PI16: variants seen among roughly 807,000 people sequenced by gnomAD.
The protein encoded by PI16 is PSP94-binding protein.
A neutral mutation model predicts 38.0 loss-of-function variants in PI16; 35 were observed. That is an observed-to-expected ratio of 0.92 (90% CI 0.70 to 1.22). The LOEUF is 1.22. PI16 is among the 50% of genes most tolerant of loss of function. PI16 has a pLI of 0.00. For synonymous variants in PI16, 275 were observed against 252.9 expected (o/e 1.09, Z -0.83); for missense variants, 572 against 593.8 (o/e 0.96, Z 0.38).
At chr6:36,951,171 T>G (rs557635223), upstream of PI16, among the ~76,000 whole-genome samples, 8 of 152,354 alleles carry the variant, frequency 5.3e-5, no homozygotes, top group South Asian at 1.2e-3. Flanking sequence ...GAGAAATGTC[T>G]TTTCGACAAT....
In PI16 at chr6:36,963,191, C is replaced by T. The variant is rs146645609; in HGVS notation, c.849C>T (p.Cys283=). The change falls in exon 5 of 7, where the codon TGC becomes TGT. Residue 283 remains cysteine (C), a synonymous_variant. Transcript: ENST00000373674. ...CCATGGCAACAGAGGCTCCACCTTG[C>T]GTAACAACTGAGGTCCCTTCCATTT... is the stretch of plus-strand genomic sequence containing the variant. ...PPSMATEAPP[C]VTTEVPSILA... 21 of 1,614,118 alleles carry T rather than the reference C, an allele frequency of 1.3e-5. No homozygotes were observed. The Middle Eastern group carries it at 4.9e-4, about 38-fold the overall frequency.
upstream of PI16, among the ~76,000 whole-genome samples, chr6:36,951,729 T>A (rs1324273638): frequency 6.6e-6 from 1 of 151,998 alleles, no homozygotes; most frequent in African/African-American, 2.4e-5. Flanking sequence ...CGAAATCTTG[T>A]CTCTACTAAA....
intron 6 of PI16, among the ~76,000 whole-genome samples, 181 bp downstream of exon 6, chr6:36,964,143 C>T (rs1763449576): frequency 6.6e-6 from 1 of 152,190 alleles, no homozygotes; most frequent in Admixed American, 6.5e-5. Flanking sequence ...ACAGGGCCAG[C>T]CCCTGGCACT....
chr6:36,963,602 G>A lies in PI16; in HGVS notation c.1260G>A (p.Ser420=), dbSNP rs745460207. Reference sequence around the variant, plus strand: ...GTGGGCGTGCCCTGGCTCTGCAGTCGTCCTTGCCAGGTAAGGCCCATAGCA... The same window carrying A: ...GTGGGCGTGCCCTGGCTCTGCAGTCATCCTTGCCAGGTAAGGCCCATAGCA... The part of the protein sequence containing the change: ...ATGGRALALQ[S]SLPGAEGPDK... The change falls in exon 5 of 7, where the codon TCG becomes TCA. Residue 420 remains serine (S), a synonymous_variant. Transcript: ENST00000373674. 16 of 1,613,414 alleles carry A rather than the reference G, an allele frequency of 9.9e-6. No homozygotes were observed. Among genetic ancestry groups the A allele is most frequent in the East Asian group, 2.2e-5 (1 of 44,894 alleles).
At position 36,959,183 on chromosome 6, in the gene PI16, C is replaced by G; in HGVS notation, c.210C>G (p.Tyr70Ter). Reference protein sequence around the residue: ...DEELAAFAKAYARQCVWGHNK... With the variant: ...DEELAAFAKA ...AGCTGGCCGCCTTCGCCAAGGCCTACGCACGGCAGTGCGTGTGGGGCCACA... is the reference window on the plus strand; with the variant it reads ...AGCTGGCCGCCTTCGCCAAGGCCTAGGCACGGCAGTGCGTGTGGGGCCACA... The change falls in exon 2 of 7, where the codon TAC (tyrosine) becomes TAG (stop). Residue 70 changes from tyrosine to a stop codon, truncating the protein, a stop_gained. Coordinates refer to ENST00000373674, the MANE Select transcript of PI16 (RefSeq NM_153370.3). LOFTEE classifies it high-confidence loss of function. 1.2e-6 allele frequency: 2 copies of G among 1,611,042 alleles called. No individual in the cohort carries two copies. The highest frequency in any genetic ancestry group is 1.7e-6 in the Non-Finnish European group (2 of 1,179,270).
At chr6:36,960,642 A>ACCC (rs5875563) in intron 2 of PI16, among the ~76,000 whole-genome samples, 2 of 40,982 alleles carry the variant, frequency 4.9e-5, no homozygotes, top group African/African-American at 8.2e-5. Context: ...CTCTCCCTCC[A>ACCC]CCCCCCCCCT....
At chr6:36,955,037 T>G in intron 1 of PI16, 106 bp downstream of exon 1, 1 of 1,435,472 alleles carries the variant, frequency 7.0e-7, no homozygotes, top group South Asian at 1.5e-5. Flanking sequence ...ATTTCAGAAT[T>G]CCTCTCCTTT....
In PI16 at chr6:36,949,646, T is replaced by G. The variant is rs369645455; in HGVS notation, c.-82+1242T>G. Among the ~76,000 whole-genome samples the G allele has an allele frequency of 3.3e-5, 5 of 152,332 alleles. 1 individual carries two copies. Among genetic ancestry groups the G allele is most frequent in the East Asian group, 1.9e-4 (1 of 5,184 alleles). ...CCCAGACTAACCCATTTTCCTGAATTCTTCCGATTCTTTTCCACATCTTGT... is the reference window on the plus strand; with the variant it reads ...CCCAGACTAACCCATTTTCCTGAATGCTTCCGATTCTTTTCCACATCTTGT... On this transcript the variant is annotated intron_variant, in intron 1 of 7. Transcript: ENST00000611814.
At chr6:36,963,718 G>A in intron 5 of PI16, 105 bp from the exon 6 acceptor site, 3 of 1,533,794 alleles carry the variant, frequency 2.0e-6, no homozygotes, top group Non-Finnish European at 2.6e-6. Flanking sequence ...CCTCTGAGTA[G>A]GAGCTTCCTC....
rs746486849 is a variant in PI16, at chr6:36,962,905, A to G, written c.593-30A>G. 17 of 1,572,412 alleles carry G rather than the reference A, an allele frequency of 1.1e-5. No individual in the cohort carries two copies. Among genetic ancestry groups the G allele is most frequent in the Non-Finnish European group, 1.4e-5 (16 of 1,155,788 alleles). On this transcript the variant is annotated intron_variant, in intron 4 of 6. Coordinates refer to ENST00000373674, the MANE Select transcript of PI16 (RefSeq NM_153370.3). This position sits in a 1 kb window ranked among gnomAD's most constrained non-coding sequence, Gnocchi z 4.1. ...AGAGATGTGGGGTCCTGCTTGCAGC[A>G]CTCATGCCCGTTCTCGTCTGTCTTA...
chr6:36,961,768 A>C, intron 3 of PI16, 118 bp from the exon 4 acceptor site: 1 of 990,410 alleles, frequency 1.0e-6, no homozygotes, highest in Non-Finnish European at 1.6e-6. Context: ...CCAGCAAGTC[A>C]GTGGCTGGCA....
upstream of PI16, among the ~76,000 whole-genome samples, chr6:36,951,687 T>C (rs1482205858): frequency 6.6e-6 from 1 of 152,124 alleles, no homozygotes; most frequent in East Asian, 1.9e-4. Flanking sequence ...TTACTTGAGG[T>C]CAGGAGTTTG....
Position 36,963,132 on chromosome 6 carries a change from G to GC in PI16, c.794dup (p.Thr266AsnfsTer22). ...GGCTCTGCCTGCTGTGGAAACCCAG[G>GC]CCCCAACTTCCTTAGCAACGAAAGA... On this transcript the variant is annotated frameshift_variant, in exon 5 of 7. Coordinates refer to ENST00000373674, the MANE Select transcript of PI16 (RefSeq NM_153370.3). LOFTEE classifies it high-confidence loss of function. The GC allele has an allele frequency of 6.2e-7, 1 of 1,614,184 alleles. No homozygotes were observed. The highest frequency in any genetic ancestry group is 1.1e-5 in the South Asian group (1 of 91,080).
intron 5 of PI16, 78 bp from the exon 6 acceptor site, chr6:36,963,745 C>T: frequency 6.5e-7 from 1 of 1,532,818 alleles, no homozygotes; most frequent in Non-Finnish European, 8.8e-7. Context: ...TGCTGCCCCA[C>T]CTCCTTGCAT....
intron 1 of PI16, among the ~76,000 whole-genome samples, chr6:36,948,943 T>C (rs1164924900): frequency 6.7e-6 from 1 of 149,668 alleles, no homozygotes; most frequent in Non-Finnish European, 1.5e-5. Context: ...TACAGGCGTG[T>C]GCCACTACGC....
intron 2 of PI16, among the ~76,000 whole-genome samples, chr6:36,960,359 G>GTGTGTGTGTT (rs1413720981): frequency 4.1e-5 from 6 of 145,784 alleles, no homozygotes; most frequent in African/African-American, 1.5e-4. Flanking sequence ...GTGTGTGTGT[G>GTGTGTGTGTT]TGTGTAGGGG....
chr6:36,956,595 G>A (rs1763214082), intron 1 of PI16, among the ~76,000 whole-genome samples: 1 of 152,236 alleles, frequency 6.6e-6, no homozygotes, highest in Non-Finnish European at 1.5e-5. Context: ...CAGGGACTCT[G>A]CAGCCAAATG....
At position 36,962,613 on chromosome 6, in the gene PI16, A is replaced by G. The variant is rs757999573; in HGVS notation, c.593-322A>G. On this transcript the variant is annotated intron_variant, in intron 4 of 6. Transcript: ENST00000373674. This position sits in a 1 kb window ranked among gnomAD's most constrained non-coding sequence, Gnocchi z 4.1. The stretch of plus-strand genomic sequence containing the variant: ...CTCAGCCTTCCGAGTAGCTGGGACT[A>G]CAGGCACGCGCCACCACGCCTGGCT... 1.3e-5 allele frequency among the ~76,000 whole-genome samples: 2 copies of G among 152,012 alleles called. No individual in the cohort carries two copies. The highest frequency in any genetic ancestry group is 4.8e-5 in the African/African-American group (2 of 41,364).
rs62406498 is a variant in PI16 at position 36,949,413 on chromosome 6, C to G, written c.-82+1009C>G. On this transcript the variant is annotated intron_variant, in intron 1 of 7. Transcript: ENST00000611814. ...CTAGGATTACAGGCTTGAGCCACCG[C>G]GCCCGGTCACTAAGTCCCCTTATTT... is the stretch of plus-strand genomic sequence containing the variant. Among the ~76,000 whole-genome samples the G allele has an allele frequency of 2.4e-4, 37 of 152,214 alleles. No homozygotes were observed. The East Asian group carries it at 6.6e-3, about 27-fold the overall frequency.
Sources: gnomAD v4.1 joint callset for allele counts (sites outside exome capture counted in the v4.1 genomes callset) on GRCh38, gnomAD v4.1.1 for gene constraint, Gnocchi (gnomAD v3.1) non-coding constraint, MANE v1.5 for transcripts, NCBI Gene and HGNC (gene_info 2026-07-23, HGNC 2026-07-21) for gene names.